ASB1: variants seen among roughly 807,000 people sequenced by gnomAD.
The protein encoded by ASB1 is ankyrin repeat and SOCS box containing 1, also known as ankyrin repeat and SOCS box protein 1.
A neutral mutation model predicts 27.7 loss-of-function variants in ASB1; 18 were observed. That is an observed-to-expected ratio of 0.65 (90% CI 0.45 to 0.96). The LOEUF (loss-of-function observed/expected upper bound fraction) is 0.96. ASB1 is among the 50% of genes least tolerant of loss of function. ASB1 has a pLI of 0.00. For missense variants in ASB1, 397 were observed against 451.7 expected, an observed-to-expected ratio of 0.88 and a Z score of 1.10; for synonymous variants, 189 against 187.6, an observed-to-expected ratio of 1.01 and a Z score of -0.06.
chr2:238,444,781 A>G, intron 4 of ASB1, 54 bp downstream of exon 4: 1 of 1,507,904 alleles, frequency 6.6e-7, no homozygotes, highest in Non-Finnish European at 8.8e-7. Flanking sequence ...TGAATGAATC[A>G]AGATGTAGCA....
rs369399896 is a variant in ASB1, at chr2:238,433,648, G to C, written c.144G>C (p.Gly48=). Residue 48 remains glycine, a synonymous_variant, in exon 2 of 5, where the codon GGG becomes GGC. Coordinates refer to ENST00000264607, the MANE Select transcript of ASB1 (RefSeq NM_001040445.3). ...DTRLHDAAYV[G]DLQTLRSLLQ... is the part of the protein sequence containing the mutation. ...GGCTCCATGATGCAGCTTACGTCGG[G>C]GACCTCCAGACCCTCAGGAGCCTAT... The C allele has an allele frequency of 6.2e-7, 1 of 1,614,090 alleles. No individual in the cohort carries two copies. Among genetic ancestry groups the C allele is most frequent in the Non-Finnish European group, 8.5e-7 (1 of 1,179,984 alleles).
chr2:238,446,877 A>C lies in ASB1; in HGVS notation c.*366A>C, dbSNP rs759002295. On this transcript the variant is annotated 3_prime_UTR_variant, in exon 5 of 5. Coordinates refer to ENST00000264607, the MANE Select transcript of ASB1 (RefSeq NM_001040445.3). ...GAACTGTGCTTCTCTTTATTTTTCTACTTCTCAATTTGATGGTTCGATTAA... is the reference window on the plus strand; with the variant it reads ...GAACTGTGCTTCTCTTTATTTTTCTCCTTCTCAATTTGATGGTTCGATTAA... 5.0e-6 allele frequency: 1 copy of C among 199,862 alleles called. No homozygotes were observed. Among genetic ancestry groups the C allele is most frequent in the Non-Finnish European group, 1.0e-5 (1 of 98,188 alleles). The allele number at this position is 199,862 out of a possible 1,614,324, so 12.4% of individuals were successfully genotyped here. A position where few individuals can be genotyped will look rare whatever the true frequency, so the allele number is the denominator to read the frequency against.
chr2:238,439,063 G>A (rs1421972883), intron 3 of ASB1, among the ~76,000 whole-genome samples: 1 of 152,148 alleles, frequency 6.6e-6, no homozygotes, highest in African/African-American at 2.4e-5. Context: ...AATTACAAAC[G>A]TTTTGGAAGA....
chr2:238,450,010 TC>T lies in ASB1; in HGVS notation c.*3501del, dbSNP rs1447390393. ...CTCCACTTCAGACAGGGACAAGGCTTCCTGCTGTGCCTTTCTGGCAGGGTTT... is the reference window on the plus strand; with the variant it reads ...CTCCACTTCAGACAGGGACAAGGCTTCTGCTGTGCCTTTCTGGCAGGGTTT... On this transcript the variant is annotated 3_prime_UTR_variant, in exon 5 of 5. Coordinates refer to ENST00000264607, the MANE Select transcript of ASB1 (RefSeq NM_001040445.3). The T allele has an allele frequency of 6.6e-6, 1 of 152,312 alleles. No individual in the cohort carries two copies. Among genetic ancestry groups the T allele is most frequent in the African/African-American group, 2.4e-5 (1 of 41,470 alleles). 9.4% of individuals were successfully genotyped at this position (152,312 alleles called of 1,614,324 possible).
Position 238,449,763 on chromosome 2 carries a change from T to C in ASB1, c.*3252T>C, listed in dbSNP as rs932687990. 6.6e-6 allele frequency: 1 copy of C among 152,266 alleles called. No homozygotes were observed. The highest frequency in any genetic ancestry group is 1.5e-5 in the Non-Finnish European group (1 of 68,048). The allele number at this position is 152,266 out of a possible 1,614,324, so 9.4% of individuals were successfully genotyped here. On this transcript the variant is annotated 3_prime_UTR_variant, in exon 5 of 5. Transcript: ENST00000264607. ...TTAGTACATTGTTAAAATGTACTTGTTAAACAGGTAATTTTAAAGAGAAGG... is the reference window on the plus strand; with the variant it reads ...TTAGTACATTGTTAAAATGTACTTGCTAAACAGGTAATTTTAAAGAGAAGG...
Position 238,427,098 on chromosome 2 carries a change from C to T in ASB1, c.28C>T (p.Arg10Trp). The T allele has an allele frequency of 6.4e-6, 8 of 1,257,304 alleles. No homozygotes were observed. The highest frequency in any genetic ancestry group is 3.0e-5 in the South Asian group (1 of 33,374). The allele number at this position is 1,257,304 out of a possible 1,614,324, so 77.9% of individuals were successfully genotyped here. ...GGCGGAGGGCGGCAGCCCAGACGGGCGGGCAGGGCCGGGCTCCGCAGGTAA... is the reference window on the plus strand; with the variant it reads ...GGCGGAGGGCGGCAGCCCAGACGGGTGGGCAGGGCCGGGCTCCGCAGGTAA... MAEGGSPDG[R>W]AGPGSAGRNL... The change falls in exon 1 of 5, where the codon CGG becomes TGG. Residue 10 changes from arginine to tryptophan, a missense_variant. Coordinates refer to ENST00000264607, the MANE Select transcript of ASB1 (RefSeq NM_001040445.3).
At chr2:238,437,529 C>A (rs575118430) in intron 3 of ASB1, among the ~76,000 whole-genome samples, 1 of 151,102 alleles carries the variant, frequency 6.6e-6, no homozygotes, top group East Asian at 1.9e-4. Context: ...AGTGCCTGGC[C>A]TACAGTCTTA....
chr2:238,432,852 T>G (rs955252902), intron 1 of ASB1, among the ~76,000 whole-genome samples: 1 of 152,062 alleles, frequency 6.6e-6, no homozygotes, highest in South Asian at 2.1e-4. Context: ...GTCCAAGCAA[T>G]TCTCCTGCCT....
At chr2:238,445,389 C>T (rs916561043) in intron 4 of ASB1, among the ~76,000 whole-genome samples, 3 of 152,150 alleles carry the variant, frequency 2.0e-5, no homozygotes, top group South Asian at 2.1e-4. Flanking sequence ...AAATTGCAAG[C>T]GGGGCTTTCT....
chr2:238,441,168 G>C (rs550453266), intron 3 of ASB1, among the ~76,000 whole-genome samples: 2 of 147,230 alleles, frequency 1.4e-5, no homozygotes, highest in Non-Finnish European at 3.0e-5. Context: ...ATGGAGTCTC[G>C]CTCTGTTGCC....
In ASB1 at chr2:238,449,713, G is replaced by T. The variant is rs187075452; in HGVS notation, c.*3202G>T. On this transcript the variant is annotated 3_prime_UTR_variant, in exon 5 of 5. Coordinates refer to ENST00000264607, the MANE Select transcript of ASB1 (RefSeq NM_001040445.3). ...TTAAGGCAACAATGCTTGTTTTTTGGTGTTTTCTTTTGACATTTGAAAATT... is the reference window on the plus strand; with the variant it reads ...TTAAGGCAACAATGCTTGTTTTTTGTTGTTTTCTTTTGACATTTGAAAATT... 1 of 152,138 alleles carries T rather than the reference G, an allele frequency of 6.6e-6. No homozygotes were observed. The highest frequency in any genetic ancestry group is 2.4e-5 in the African/African-American group (1 of 41,410). 9.4% of individuals were successfully genotyped at this position (152,138 alleles called of 1,614,324 possible).
chr2:238,444,454 C>G lies in ASB1; in HGVS notation c.607C>G (p.His203Asp). 6.2e-7 allele frequency: 1 copy of G among 1,614,208 alleles called. No homozygotes were observed. Among genetic ancestry groups the G allele is most frequent in the Non-Finnish European group, 8.5e-7 (1 of 1,180,034 alleles). ...CCCCTTGTACATCAGCGCAGCCTAC[C>G]ACAACCTCCAGTGCTTCCGGCTGCT... ...VCPLYISAAYHNLQCFRLLLL... is the reference protein window; with the variant it reads ...VCPLYISAAYDNLQCFRLLLL... Residue 203 changes from histidine to aspartate, a missense_variant, in exon 4 of 5, where the codon CAC becomes GAC. Coordinates refer to ENST00000264607, the MANE Select transcript of ASB1 (RefSeq NM_001040445.3).
intron 1 of ASB1, among the ~76,000 whole-genome samples, chr2:238,431,943 C>T (rs981073434): frequency 1.3e-5 from 2 of 151,948 alleles, no homozygotes; most frequent in African/African-American, 4.8e-5. Context: ...AGATTGTGAC[C>T]CAGAAGACAC....
At chr2:238,445,179 G>A (rs574488165) in intron 4 of ASB1, among the ~76,000 whole-genome samples, 3 of 151,894 alleles carry the variant, frequency 2.0e-5, no homozygotes, top group African/African-American at 7.3e-5. Context: ...AGGTTTTGCT[G>A]TGTTGCCCAG....
chr2:238,429,825 C>A lies in ASB1; in HGVS notation c.49+2706C>A, dbSNP rs181687842. Among the ~76,000 whole-genome samples the A allele has an allele frequency of 2.9e-4, 44 of 151,854 alleles. No individual in the cohort carries two copies. The East Asian group carries it at 8.3e-3, about 29-fold the overall frequency. ...TGGTGGCGGGTACCTGTAGTCCCAG[C>A]TACTTGGGAGGCTGAGGCAGGAGAA... On this transcript the variant is annotated intron_variant, in intron 1 of 4. Transcript: ENST00000264607.
chr2:238,439,078 C>T (rs541568936), intron 3 of ASB1, among the ~76,000 whole-genome samples: 1 of 152,164 alleles, frequency 6.6e-6, no homozygotes, highest in African/African-American at 2.4e-5. Flanking sequence ...GGAAGATTTT[C>T]CCTAAGAATA....
intron 3 of ASB1, among the ~76,000 whole-genome samples, chr2:238,442,372 A>G (rs1325022578): frequency 1.3e-5 from 2 of 151,972 alleles, no homozygotes; most frequent in Non-Finnish European, 2.9e-5. Flanking sequence ...TTGGCCTCCT[A>G]AAGTGCTGGG....
chr2:238,439,795 A>G (rs2106407410), intron 3 of ASB1, among the ~76,000 whole-genome samples: 1 of 152,194 alleles, frequency 6.6e-6, no homozygotes, highest in South Asian at 2.1e-4. Flanking sequence ...GCCGATACTC[A>G]CTTCCGTTAT....
chr2:238,443,665 A>G (rs148966767), intron 3 of ASB1, among the ~76,000 whole-genome samples: 45 of 152,108 alleles, frequency 3.0e-4, no homozygotes, highest in African/African-American at 1.1e-3. Flanking sequence ...TTATCATGTT[A>G]AAGAAAAGCC....
Sources: allele counts gnomAD v4.1 joint callset (sites outside exome capture counted in the v4.1 genomes callset), GRCh38; gene constraint gnomAD v4.1.1; transcripts MANE v1.5; gene names NCBI Gene and HGNC (gene_info 2026-07-23, HGNC 2026-07-21).